TENM1: variants seen among roughly 807,000 people sequenced by gnomAD.
TENM1 encodes the protein teneurin-1.
TENM1 carries 35 observed loss-of-function variants against 174.8 expected under a neutral mutation model. That is an observed-to-expected ratio of 0.20 (90% CI 0.15 to 0.27). The LOEUF is 0.27. Among genes scored for constraint, TENM1 ranks in the 10% least tolerant of loss-of-function variants. TENM1 has a pLI of 1.00. For synonymous variants in TENM1, 781 were observed against 798.7 expected, an observed-to-expected ratio of 0.98 and a Z score of 0.37; for missense variants, 1,633 against 2,130.1, an observed-to-expected ratio of 0.77 and a Z score of 4.59.
chrX:124,646,956 C>G, intron 8 of TENM1, 146 bp from the exon 12 acceptor site: 1 of 418,470 alleles, frequency 2.4e-6, no homozygotes, highest in East Asian at 4.0e-5. Context: ...AAATCACATA[C>G]AAAGACATCT....
chrX:124,817,024 G>A (rs2055912165), intron 3 of TENM1, among the ~76,000 whole-genome samples: 1 of 110,536 alleles, frequency 9.0e-6, no homozygotes, highest in Non-Finnish European at 1.9e-5. Flanking sequence ...TTCTTCTAAT[G>A]TTATTCCTCC....
exon 29 of TENM1, chrX:124,386,063 G>A: frequency 8.4e-7 from 1 of 1,185,254 alleles, no homozygotes. Context: ...AAGCATCACA[G>A]ACTGAAACGA....
At chrX:124,749,824 C>T (rs900232561) in intron 3 of TENM1, among the ~76,000 whole-genome samples, 22 of 111,534 alleles carry the variant, frequency 2.0e-4, no homozygotes, top group Non-Finnish European at 3.8e-4. Context: ...GGACATACGA[C>T]TTGCCTCATA....
In TENM1 at chrX:124,623,511, T is replaced by C. The variant is rs766135731; in HGVS notation, c.2077+18280A>G. On this transcript the variant is annotated intron_variant, in intron 11 of 31. Coordinates refer to ENST00000422452, the Ensembl canonical transcript of TENM1. ...TTTAGGCAGTCATTAGAGTGTGCTC[T>C]AAGAATTACTTTACTAACCTCAGAA... Among the ~76,000 whole-genome samples, 9 of 111,853 alleles carry C rather than the reference T, an allele frequency of 8.0e-5. No individual in the cohort carries two copies. The South Asian group carries it at 3.4e-3, about 42-fold the overall frequency.
chrX:124,445,097 T>C (rs1466760444), intron 23 of TENM1, among the ~76,000 whole-genome samples: 3 of 111,884 alleles, frequency 2.7e-5, no homozygotes, highest in Non-Finnish European at 5.6e-5. Context: ...TCATGAGGAT[T>C]AAATAAGATA....
At chrX:124,668,065 A>C (rs2051817874) in intron 6 of TENM1, among the ~76,000 whole-genome samples, 1 of 111,825 alleles carries the variant, frequency 8.9e-6, no homozygotes, top group Non-Finnish European at 1.9e-5. Context: ...TCTTCTTTTG[A>C]GAAGTGTCTG....
chrX:124,894,185 C>G (rs2057521855), intron 3 of TENM1, 111 bp downstream of exon 6: 2 of 528,808 alleles, frequency 3.8e-6, no homozygotes, highest in Non-Finnish European at 6.4e-6. Context: ...GTTCATTGAG[C>G]AGGCTTGTAT....
At chrX:125,160,781 TAAC>T in the TENM1 span, among the ~76,000 whole-genome samples, 1 of 109,340 alleles carries the variant, frequency 9.1e-6, no homozygotes, top group Non-Finnish European at 1.9e-5. Flanking sequence ...TTAAAAAAGA[TAAC>T]AACTGTTATA....
intron 23 of TENM1, among the ~76,000 whole-genome samples, chrX:124,432,169 A>G (rs2060785394): frequency 8.9e-6 from 1 of 111,905 alleles, no homozygotes; most frequent in South Asian, 3.7e-4. Flanking sequence ...AGCAAGATCA[A>G]TAAGGGCCAT....
the TENM1 span, among the ~76,000 whole-genome samples, chrX:125,032,421 C>T: frequency 5.4e-5 from 6 of 110,878 alleles, no homozygotes; most frequent in Non-Finnish European, 7.6e-5. Flanking sequence ...CCATCCGCCT[C>T]GGCCTCCAAA....
rs190376719 is a variant in TENM1 at position 124,754,323 on chromosome X, T to C, written c.536-17126A>G. Among the ~76,000 whole-genome samples, 668 of 111,679 alleles carry C rather than the reference T, an allele frequency of 6.0e-3. 4 individuals are homozygous for C. The highest frequency in any genetic ancestry group is 0.021 in the African/African-American group (642 of 30,749). On this transcript the variant is annotated intron_variant, in intron 3 of 31. Coordinates refer to ENST00000422452, the Ensembl canonical transcript of TENM1. ...ATGGTAGTTTGTATTTCTGTGGGAT[T>C]GGTGGTGACATCCCCTTTACCATTT...
intron 11 of TENM1, among the ~76,000 whole-genome samples, chrX:124,603,036 G>A (rs1027727347): frequency 1.8e-5 from 2 of 111,001 alleles, no homozygotes; most frequent in Non-Finnish European, 3.8e-5. Context: ...TATGAAGACA[G>A]AGGCAGAGAC....
chrX:124,845,603 C>G (rs1274678966), intron 3 of TENM1, among the ~76,000 whole-genome samples: 1 of 111,628 alleles, frequency 9.0e-6, no homozygotes. Flanking sequence ...TTCTCTAACA[C>G]AAGTAACCTA....
the TENM1 span, among the ~76,000 whole-genome samples, chrX:125,110,050 G>C: frequency 9.0e-6 from 1 of 111,234 alleles, no homozygotes; most frequent in African/African-American, 3.3e-5. Flanking sequence ...AATTCTTATG[G>C]GACAGAAGAA....
the TENM1 span, among the ~76,000 whole-genome samples, chrX:125,008,387 T>C: frequency 9.0e-6 from 1 of 111,410 alleles, no homozygotes; most frequent in Non-Finnish European, 1.9e-5. Context: ...ATAAAACAAG[T>C]TTTTAGAGAC....
At chrX:124,755,504 G>A (rs1331601444) in intron 3 of TENM1, among the ~76,000 whole-genome samples, 2 of 110,738 alleles carry the variant, frequency 1.8e-5, no homozygotes, top group Non-Finnish European at 1.9e-5. Flanking sequence ...AGTTAATATT[G>A]TTATGTGTGA....
At chrX:124,957,131 G>A (rs1028184572) in intron 1 of TENM1, among the ~76,000 whole-genome samples, 1 of 111,688 alleles carries the variant, frequency 9.0e-6, no homozygotes, top group Non-Finnish European at 1.9e-5. Flanking sequence ...ACAGTACCTG[G>A]TACATAGTTT....
intron 15 of TENM1, among the ~76,000 whole-genome samples, chrX:124,536,453 C>CTA (rs2048208642): frequency 1.8e-5 from 2 of 111,267 alleles, no homozygotes; most frequent in African/African-American, 6.5e-5. Flanking sequence ...AAAGGTGGTG[C>CTA]TATTGAAAAT....
intron 18 of TENM1, among the ~76,000 whole-genome samples, chrX:124,514,891 A>T: frequency 9.0e-6 from 1 of 110,762 alleles, no homozygotes; most frequent in Non-Finnish European, 1.9e-5. Context: ...GCAGAGACAC[A>T]ACAGAAAAGA....
Sources: gnomAD v4.1 joint callset for allele counts (sites outside exome capture counted in the v4.1 genomes callset) on GRCh38, gnomAD v4.1.1 for gene constraint, MANE v1.5 for transcripts, NCBI Gene and HGNC (gene_info 2026-07-23, HGNC 2026-07-21) for gene names.